ADK: variants seen among roughly 807,000 people sequenced by gnomAD.
ADK encodes the protein N6,N6-dimethyladenosine kinase.
In ADK, 24 loss-of-function variants were observed where a neutral mutation model predicts 44.7. The observed-to-expected ratio is 0.54, with a 90% CI of 0.39 to 0.76. ADK has a LOEUF of 0.76. Among genes scored for constraint, ADK ranks in the 30% least tolerant of loss-of-function variants. The pLI is 0.00. For synonymous variants in ADK, 128 were observed against 142.6 expected, an observed-to-expected ratio of 0.90 and a Z score of 0.73; for missense variants, 321 against 425.1, an observed-to-expected ratio of 0.76 and a Z score of 2.15.
intron 2 of ADK, among the ~76,000 whole-genome samples, chr10:74,203,324 G>C (rs532210621): frequency 6.6e-6 from 1 of 151,860 alleles, no homozygotes; most frequent in Non-Finnish European, 1.5e-5. Context: ...CCTTATGCCA[G>C]TATGACATTG....
intron 7 of ADK, among the ~76,000 whole-genome samples, chr10:74,576,350 A>T (rs922912991): frequency 6.6e-6 from 1 of 152,132 alleles, no homozygotes; most frequent in Non-Finnish European, 1.5e-5. Flanking sequence ...GCTAGAGTGC[A>T]TGGGGAAAAT....
intron 10 of ADK, 44 bp from the exon 11 acceptor site, chr10:74,708,277 G>C (rs1318082236): frequency 6.3e-7 from 1 of 1,599,862 alleles, no homozygotes; most frequent in Non-Finnish European, 8.5e-7. Flanking sequence ...CATTTCTGCT[G>C]CTGTTATACA....
chr10:74,201,278 G>C (rs1045254615), intron 2 of ADK, among the ~76,000 whole-genome samples: 4 of 152,126 alleles, frequency 2.6e-5, no homozygotes, highest in Admixed American at 2.6e-4. Flanking sequence ...TAATTCAGAG[G>C]ATATGAAGCT....
At chr10:74,642,624 AT>A (rs1853905387) in intron 9 of ADK, among the ~76,000 whole-genome samples, 1 of 151,946 alleles carries the variant, frequency 6.6e-6, no homozygotes, top group South Asian at 2.1e-4. Flanking sequence ...CTTATAAAAT[AT>A]TTACTAAAAT....
At chr10:74,211,920 T>G (rs1423069871) in intron 2 of ADK, among the ~76,000 whole-genome samples, 2 of 152,172 alleles carry the variant, frequency 1.3e-5, no homozygotes, top group Non-Finnish European at 2.9e-5. Flanking sequence ...CTACAACATA[T>G]TCTAGATTAT....
At chr10:74,368,694 A>G (rs1322027718) in intron 4 of ADK, among the ~76,000 whole-genome samples, 1 of 150,718 alleles carries the variant, frequency 6.6e-6, no homozygotes, top group Non-Finnish European at 1.5e-5. Flanking sequence ...CCGTGGCCCC[A>G]TTTCAGATCA....
intron 3 of ADK, among the ~76,000 whole-genome samples, chr10:74,270,185 C>T (rs770441706): frequency 6.6e-5 from 10 of 152,028 alleles, no homozygotes; most frequent in African/African-American, 1.4e-4. Context: ...AGTAATGTGC[C>T]TATGCCCCAA....
At chr10:74,279,570 C>T (rs1452412555) in intron 3 of ADK, among the ~76,000 whole-genome samples, 1 of 147,452 alleles carries the variant, frequency 6.8e-6, no homozygotes, top group Non-Finnish European at 1.5e-5. Flanking sequence ...CAGAGTGAGA[C>T]TTCATCTCAA....
At chr10:74,370,939 G>T (rs1412094236) in intron 4 of ADK, among the ~76,000 whole-genome samples, 1 of 152,058 alleles carries the variant, frequency 6.6e-6, no homozygotes, top group African/African-American at 2.4e-5. Flanking sequence ...TCAAAGTAGG[G>T]TTTTGCAATT....
chr10:74,225,458 G>C (rs927365275), intron 3 of ADK, among the ~76,000 whole-genome samples: 1 of 152,098 alleles, frequency 6.6e-6, no homozygotes. Flanking sequence ...CATTTATAGG[G>C]ACAGTAATTT....
chr10:74,166,686 CAA>C lies in ADK; in HGVS notation c.65+15357_65+15358del, dbSNP rs10710680. On this transcript the variant is annotated intron_variant, in intron 1 of 10. Coordinates refer to ENST00000539909, the MANE Select transcript of ADK (RefSeq NM_006721.4). ...TGGGTGACAAAGTGAGACTCCGTCT[CAA>C]AAAAAAAAAAAAAGAAAAAAAAAAA... Among the ~76,000 whole-genome samples, 539 of 101,216 alleles carry C rather than the reference CAA, an allele frequency of 5.3e-3. 2 individuals are homozygous for C. Among genetic ancestry groups the C allele is most frequent in the African/African-American group, 0.017 (464 of 26,730 alleles). 66.4% of individuals were successfully genotyped at this position (101,216 alleles called of 152,430 possible).
intron 7 of ADK, among the ~76,000 whole-genome samples, chr10:74,526,174 C>CTTTATATTTCTTTATTTATATTTCTTT (rs1326222039): frequency 2.3e-4 from 35 of 151,944 alleles, no homozygotes; most frequent in Non-Finnish European, 1.3e-4. Flanking sequence ...TGATATATTA[C>CTTTATATTTCTTTATTTATATTTCTTT]ATTTATATTT....
At chr10:74,388,119 C>T (rs919430679) in intron 4 of ADK, among the ~76,000 whole-genome samples, 2 of 152,068 alleles carry the variant, frequency 1.3e-5, no homozygotes, top group African/African-American at 4.8e-5. Context: ...GTTGGTTTGG[C>T]TGGTCTTGAA....
At chr10:74,684,635 G>T (rs186514567) in intron 10 of ADK, among the ~76,000 whole-genome samples, 4 of 152,210 alleles carry the variant, frequency 2.6e-5, no homozygotes, top group African/African-American at 9.6e-5. Context: ...AGCCGGGCAT[G>T]GTGGTGCACA....
chr10:74,288,091 C>T (rs2132469181), intron 3 of ADK, among the ~76,000 whole-genome samples: 1 of 151,398 alleles, frequency 6.6e-6, no homozygotes, highest in Middle Eastern at 3.4e-3. Flanking sequence ...TGGGCAAAGA[C>T]AGTATGGCTC....
intron 8 of ADK, among the ~76,000 whole-genome samples, chr10:74,591,204 G>T (rs1181045524): frequency 6.6e-6 from 1 of 151,992 alleles, no homozygotes; most frequent in African/African-American, 2.4e-5. Context: ...CCATTAACTA[G>T]CACTATATTC....
chr10:74,488,242 A>G (rs1847337395), intron 6 of ADK, among the ~76,000 whole-genome samples: 1 of 151,884 alleles, frequency 6.6e-6, no homozygotes, highest in South Asian at 2.1e-4. Context: ...TAGATCCTTG[A>G]CTATATATTA....
At chr10:74,673,180 G>A (rs1855247232) in intron 10 of ADK, among the ~76,000 whole-genome samples, 2 of 152,138 alleles carry the variant, frequency 1.3e-5, no homozygotes, top group African/African-American at 4.8e-5. Context: ...AAACTGAAAG[G>A]GAAGAGAATC....
chr10:74,364,288 T>G lies in ADK; in HGVS notation c.274-29853T>G, dbSNP rs181892264. On this transcript the variant is annotated intron_variant, in intron 4 of 10. Coordinates refer to ENST00000539909, the MANE Select transcript of ADK (RefSeq NM_006721.4). Reference sequence around the variant, plus strand: ...TTGTAAATGTGCTCCTATCCCACTATTGAAACAAACAGGCAAACTCTCCAA... The same window carrying G: ...TTGTAAATGTGCTCCTATCCCACTAGTGAAACAAACAGGCAAACTCTCCAA... 2.4e-3 allele frequency among the ~76,000 whole-genome samples: 360 copies of G among 152,344 alleles called. 6 individuals carry two copies. The highest frequency in any genetic ancestry group is 0.021 in the Admixed American group (318 of 15,300).
Sources: gnomAD v4.1 joint callset for allele counts (sites outside exome capture counted in the v4.1 genomes callset) on GRCh38, gnomAD v4.1.1 for gene constraint, MANE v1.5 for transcripts, NCBI Gene and HGNC (gene_info 2026-07-23, HGNC 2026-07-21) for gene names.